The following KCNIP4 variants were observed in gnomAD, a reference collection of about 807,000 sequenced individuals.
KCNIP4 encodes the protein potassium voltage-gated channel interacting protein 4.
KCNIP4 carries 12 observed loss-of-function variants against 34.0 expected under a neutral mutation model. The ratio of observed to expected loss-of-function variants is 0.35; its 90% CI spans 0.23 to 0.57. The LOEUF is 0.57. Ranked by LOEUF, KCNIP4 falls within the 20% of genes least tolerant of loss-of-function variation. KCNIP4 has a pLI of 0.83. For synonymous variants in KCNIP4, 124 were observed against 102.2 expected (o/e 1.21, Z -1.29); for missense variants, 238 against 311.7 (o/e 0.76, Z 1.78).
intron 1 of KCNIP4, among the ~76,000 whole-genome samples, chr4:20,964,920 A>G (rs1179010010): frequency 1.3e-5 from 2 of 152,198 alleles, no homozygotes; most frequent in African/African-American, 4.8e-5. Flanking sequence ...TAGGAGGCAC[A>G]TTAAACAAAT....
intron 1 of KCNIP4, among the ~76,000 whole-genome samples, chr4:21,595,784 C>T (rs1338259131): frequency 1.3e-5 from 2 of 152,032 alleles, no homozygotes; most frequent in Non-Finnish European, 2.9e-5. Context: ...ATTACTTTTG[C>T]ACAAACCTAA....
intron 1 of KCNIP4, among the ~76,000 whole-genome samples, chr4:21,740,126 G>A (rs1016259385): frequency 2.6e-5 from 4 of 151,978 alleles, no homozygotes; most frequent in African/African-American, 9.7e-5. Context: ...AAGAATATAT[G>A]TATACACATG....
intron 1 of KCNIP4, among the ~76,000 whole-genome samples, chr4:21,532,396 T>C (rs904507468): frequency 6.6e-6 from 1 of 152,170 alleles, no homozygotes; most frequent in African/African-American, 2.4e-5. Context: ...TACTTAATAA[T>C]AGATACATTT....
intron 1 of KCNIP4, among the ~76,000 whole-genome samples, chr4:21,263,174 TA>T (rs1761581698): frequency 6.6e-6 from 1 of 152,324 alleles, no homozygotes; most frequent in South Asian, 2.1e-4. Context: ...CTCCTTGTTG[TA>T]ATATGCCGTT....
At chr4:21,869,678 A>G (rs1041513751) in intron 1 of KCNIP4, among the ~76,000 whole-genome samples, 1 of 108,606 alleles carries the variant, frequency 9.2e-6, no homozygotes, top group Non-Finnish European at 2.0e-5. Context: ...CTTACGCTTA[A>G]TATCTCTCTC....
At chr4:21,069,177 G>T (rs1431342516) in intron 1 of KCNIP4, among the ~76,000 whole-genome samples, 1 of 151,978 alleles carries the variant, frequency 6.6e-6, no homozygotes, top group African/African-American at 2.4e-5. Context: ...AATTTTGGCA[G>T]CCACACTATT....
chr4:21,390,645 C>T (rs965426853), intron 1 of KCNIP4, among the ~76,000 whole-genome samples: 1 of 152,156 alleles, frequency 6.6e-6, no homozygotes, highest in African/African-American at 2.4e-5. Flanking sequence ...GGGCTTTGTT[C>T]TGTTCCATTG....
intron 1 of KCNIP4, among the ~76,000 whole-genome samples, chr4:21,487,004 T>C (rs1332596315): frequency 6.6e-6 from 1 of 152,072 alleles, no homozygotes; most frequent in Admixed American, 6.6e-5. Flanking sequence ...TTTCACCATA[T>C]TGCCCAAGCT....
chr4:20,953,808 G>T (rs1198733631), intron 1 of KCNIP4, among the ~76,000 whole-genome samples: 3 of 152,088 alleles, frequency 2.0e-5, no homozygotes, highest in Non-Finnish European at 4.4e-5. Context: ...CCAAACTCAA[G>T]AACTCTTCTC....
intron 1 of KCNIP4, among the ~76,000 whole-genome samples, chr4:21,774,828 C>T (rs887306275): frequency 1.3e-5 from 2 of 152,132 alleles, no homozygotes; most frequent in African/African-American, 4.8e-5. Flanking sequence ...ACCTGTTATT[C>T]TAATTAGCAA....
chr4:21,243,357 G>T (rs1041512585), intron 1 of KCNIP4, among the ~76,000 whole-genome samples: 2 of 152,122 alleles, frequency 1.3e-5, no homozygotes, highest in Non-Finnish European at 1.5e-5. Context: ...ACTGTTTAAA[G>T]ATAGAAATGA....
At chr4:21,572,633 CTTTT>C (rs71655642) in intron 1 of KCNIP4, among the ~76,000 whole-genome samples, 1 of 140,724 alleles carries the variant, frequency 7.1e-6, no homozygotes, top group Non-Finnish European at 1.6e-5. Context: ...GATCTCTCAT[CTTTT>C]TTTTTTTTTT....
At chr4:21,903,657 A>AT (rs1273653079) in intron 1 of KCNIP4, among the ~76,000 whole-genome samples, 2 of 152,146 alleles carry the variant, frequency 1.3e-5, no homozygotes, top group African/African-American at 2.4e-5. Context: ...AAATTATAGA[A>AT]ATCTTACAAA....
chr4:21,924,986 G>A (rs1336018200), intron 1 of KCNIP4, among the ~76,000 whole-genome samples: 1 of 152,004 alleles, frequency 6.6e-6, no homozygotes, highest in African/African-American at 2.4e-5. Flanking sequence ...AATCTCTCTT[G>A]CATCACCTCT....
At chr4:21,940,202 CA>C (rs1342255400) in intron 1 of KCNIP4, among the ~76,000 whole-genome samples, 1 of 151,978 alleles carries the variant, frequency 6.6e-6, no homozygotes, top group Non-Finnish European at 1.5e-5. Context: ...AAGATAAACC[CA>C]TATTACAATT....
At chr4:21,849,525 G>A (rs1273673771) in intron 1 of KCNIP4, 1 of 152,038 alleles carries the variant, frequency 6.6e-6, no homozygotes, top group Non-Finnish European at 1.5e-5. Context: ...GCTCTAATCA[G>A]TGTATGCTCA....
At chr4:21,559,111 A>G (rs1739307694) in intron 1 of KCNIP4, among the ~76,000 whole-genome samples, 1 of 152,134 alleles carries the variant, frequency 6.6e-6, no homozygotes. Flanking sequence ...AGTTTTTTCA[A>G]CTGTAAAAGT....
intron 3 of KCNIP4, among the ~76,000 whole-genome samples, chr4:20,832,546 T>C (rs1229719983): frequency 1.3e-5 from 2 of 152,142 alleles, no homozygotes; most frequent in African/African-American, 4.8e-5. Context: ...TTATTGGTCA[T>C]ATTATATGCA....
intron 1 of KCNIP4, among the ~76,000 whole-genome samples, chr4:21,262,362 G>A (rs1018610851): frequency 2.0e-5 from 3 of 152,122 alleles, no homozygotes; most frequent in African/African-American, 7.2e-5. Flanking sequence ...TCTCTTTGTT[G>A]GAGGATGACC....
Sources: gnomAD v4.1 joint callset for allele counts (sites outside exome capture counted in the v4.1 genomes callset) on GRCh38, gnomAD v4.1.1 for gene constraint, MANE v1.5 for transcripts, NCBI Gene and HGNC (gene_info 2026-07-23, HGNC 2026-07-21) for gene names.